Variants in GRAMD1B observed in about 807,000 individuals in gnomAD.
GRAMD1B encodes protein Aster-B.
GRAMD1B carries 37 observed loss-of-function variants against 99.7 expected under a neutral mutation model. The ratio of observed to expected loss-of-function variants is 0.37; its 90% CI spans 0.29 to 0.49. The LOEUF (loss-of-function observed/expected upper bound fraction) is 0.49, where lower values mean the gene tolerates loss of function less well. Ranked by LOEUF, GRAMD1B falls within the 20% of genes least tolerant of loss-of-function variation. GRAMD1B has a pLI of 0.98. For missense variants in GRAMD1B, 888 were observed against 1,009.2 expected (o/e 0.88, Z 1.63); for synonymous variants, 427 against 387.6 (o/e 1.10, Z -1.19).
chr11:123,454,191 G>A (rs1379431834), intron 1 of GRAMD1B, among the ~76,000 whole-genome samples: 1 of 152,200 alleles, frequency 6.6e-6, no homozygotes, highest in Non-Finnish European at 1.5e-5. Context: ...TACCTACCTT[G>A]AAGACTGGTT....
At chr11:123,478,758 C>A (rs978135388) in intron 1 of GRAMD1B, among the ~76,000 whole-genome samples, 1 of 152,162 alleles carries the variant, frequency 6.6e-6, no homozygotes, top group East Asian at 1.9e-4. Context: ...TCAAGTTTGA[C>A]CCCTGCTTTG....
chr11:123,422,559 A>G (rs1410595149), intron 1 of GRAMD1B, among the ~76,000 whole-genome samples: 1 of 152,254 alleles, frequency 6.6e-6, no homozygotes, highest in South Asian at 2.1e-4. Context: ...CTGTCCTATC[A>G]GAACAAACCA....
At chr11:123,525,375 C>T (rs1173944365) in intron 2 of GRAMD1B, among the ~76,000 whole-genome samples, 7 of 152,154 alleles carry the variant, frequency 4.6e-5, no homozygotes, top group Non-Finnish European at 7.4e-5. Context: ...CTGAGTTCTG[C>T]TTGGATTCCA....
At chr11:123,615,462 G>A (rs1169889433) in intron 17 of GRAMD1B, among the ~76,000 whole-genome samples, 2 of 152,202 alleles carry the variant, frequency 1.3e-5, no homozygotes, top group African/African-American at 4.8e-5. Context: ...CGAGGCAGGC[G>A]GATCATGAGG....
At chr11:123,508,400 G>C (rs756694004) in intron 2 of GRAMD1B, among the ~76,000 whole-genome samples, 2 of 152,116 alleles carry the variant, frequency 1.3e-5, no homozygotes, top group African/African-American at 4.8e-5. Context: ...CCTGTTAAAG[G>C]TTCCACCTCT....
At chr11:123,417,069 T>C (rs1267039235) in intron 1 of GRAMD1B, among the ~76,000 whole-genome samples, 2 of 152,206 alleles carry the variant, frequency 1.3e-5, no homozygotes, top group Non-Finnish European at 2.9e-5. Context: ...AAACAGGTCA[T>C]GTGACGGATA....
Position 123,613,612 on chromosome 11 carries a change from C to G in GRAMD1B, c.2181C>G (p.Thr727=). 6.2e-7 allele frequency: 1 copy of G among 1,613,906 alleles called. No homozygotes were observed. Among genetic ancestry groups the G allele is most frequent in the Non-Finnish European group, 8.5e-7 (1 of 1,179,862 alleles). ...TGGAAGAGGTGATGAGCCCGGTCAC[C>G]ACGCCCACAGATGAGGATGTGGGCC... ...PHLEEVMSPV[T]TPTDEDVGHR... is the part of the protein sequence containing the mutation. Residue 727 remains threonine (T), a synonymous_variant, in exon 16 of 20, where the codon ACC becomes ACG. Transcript: ENST00000635736.
rs1953955172 is a variant in GRAMD1B, at chr11:123,613,863, G to C, written c.2227+205G>C. Among the ~76,000 whole-genome samples the C allele has an allele frequency of 3.9e-5, 6 of 152,286 alleles. 1 individual carries two copies. The South Asian group carries it at 8.3e-4, about 21-fold the overall frequency. On this transcript the variant is annotated intron_variant, in intron 16 of 19. Coordinates refer to ENST00000635736, the MANE Select transcript of GRAMD1B (RefSeq NM_001387025.1). Reference sequence around the variant, plus strand: ...CTCAGCCCCAGCTGAACCCATATGTGTGCTCTAATTAACAAAAGCTGCCTT... The same window carrying C: ...CTCAGCCCCAGCTGAACCCATATGTCTGCTCTAATTAACAAAAGCTGCCTT...
chr11:123,406,442 C>T (rs554846401), intron 1 of GRAMD1B, among the ~76,000 whole-genome samples: 65 of 152,128 alleles, frequency 4.3e-4, no homozygotes, highest in African/African-American at 1.3e-3. Flanking sequence ...TTAGTAGAGA[C>T]GGGGTTTCAC....
At chr11:123,533,845 G>C (rs1943667420) in intron 2 of GRAMD1B, among the ~76,000 whole-genome samples, 1 of 152,190 alleles carries the variant, frequency 6.6e-6, no homozygotes, top group African/African-American at 2.4e-5. Flanking sequence ...TCCAAGCAAG[G>C]TCACACAGCT....
intron 3 of GRAMD1B, among the ~76,000 whole-genome samples, chr11:123,582,106 A>G (rs1393713246): frequency 6.6e-6 from 1 of 152,208 alleles, no homozygotes; most frequent in African/African-American, 2.4e-5. Flanking sequence ...AAGCACAAGG[A>G]GACTGTGGGG....
At chr11:123,541,539 T>C (rs776581469) in intron 2 of GRAMD1B, among the ~76,000 whole-genome samples, 5,526 of 137,912 alleles carry the variant, frequency 0.04, 295 homozygotes, top group African/African-American at 0.15. Flanking sequence ...TGTGAATTGA[T>C]TTTTTTTTTT....
chr11:123,524,217 C>T (rs1942467449), intron 2 of GRAMD1B, among the ~76,000 whole-genome samples: 1 of 152,062 alleles, frequency 6.6e-6, no homozygotes. Flanking sequence ...ACACACAGTC[C>T]TTGTCTCCAT....
chr11:123,432,094 C>G (rs899361241), intron 1 of GRAMD1B: 3 of 398,484 alleles, frequency 7.5e-6, no homozygotes, highest in African/African-American at 6.2e-5. Flanking sequence ...AATTCCTTCT[C>G]CAAATCTGTT....
At chr11:123,618,599 A>T (rs1303074004) in intron 17 of GRAMD1B, 94 bp from the exon 18 acceptor site, 1 of 834,500 alleles carries the variant, frequency 1.2e-6, no homozygotes, top group Non-Finnish European at 2.1e-6. Flanking sequence ...TGGATGGCCC[A>T]CCGGTCAGGG....
intron 1 of GRAMD1B, among the ~76,000 whole-genome samples, chr11:123,478,003 G>T (rs1365298012): frequency 6.6e-6 from 1 of 151,854 alleles, no homozygotes; most frequent in Non-Finnish European, 1.5e-5. Flanking sequence ...ATGTTGGCCA[G>T]TCTCATCTCA....
At chr11:123,387,921 C>G (rs560986236) in intron 1 of GRAMD1B, among the ~76,000 whole-genome samples, 1 of 151,584 alleles carries the variant, frequency 6.6e-6, no homozygotes, top group South Asian at 2.1e-4. Flanking sequence ...GTCAGGAGTT[C>G]AAGACCAGCC....
At chr11:123,615,384 TG>T (rs1409625442) in intron 17 of GRAMD1B, among the ~76,000 whole-genome samples, 2 of 152,248 alleles carry the variant, frequency 1.3e-5, no homozygotes, top group African/African-American at 4.8e-5. Context: ...CACAGTAACT[TG>T]CATAGAAAGA....
intron 2 of GRAMD1B, among the ~76,000 whole-genome samples, chr11:123,488,316 T>C (rs913290876): frequency 3.3e-5 from 5 of 152,016 alleles, no homozygotes; most frequent in African/African-American, 1.2e-4. Flanking sequence ...GTGAGAAAAA[T>C]CACACCTGGG....
Sources: allele counts gnomAD v4.1 joint callset (sites outside exome capture counted in the v4.1 genomes callset), GRCh38; gene constraint gnomAD v4.1.1; transcripts MANE v1.5; gene names NCBI Gene and HGNC (gene_info 2026-07-23, HGNC 2026-07-21).